The following ZNF516 variants were observed in gnomAD, a reference collection of about 807,000 sequenced individuals.
ZNF516 encodes zinc finger protein 516.
Under a neutral mutation model 79.7 loss-of-function variants are expected in ZNF516, and 19 were observed. That is an observed-to-expected ratio of 0.24 (90% confidence interval 0.17 to 0.35). The LOEUF (loss-of-function observed/expected upper bound fraction) is 0.35, where lower values mean the gene tolerates loss of function less well. Among genes scored for constraint, ZNF516 ranks in the 10% least tolerant of loss-of-function variants. The pLI is 1.00. For missense variants in ZNF516, 1,678 were observed against 1,679.5 expected (o/e 1.00, Z 0.02); for synonymous variants, 877 against 739.5 (o/e 1.19, Z -3.02).
At chr18:76,422,093 G>C (rs1412580166) in intron 3 of ZNF516, among the ~76,000 whole-genome samples, 1 of 152,206 alleles carries the variant, frequency 6.6e-6, no homozygotes, top group Non-Finnish European at 1.5e-5. Flanking sequence ...AATTCAGCCA[G>C]GGTATCTATG....
Position 76,437,389 on chromosome 18 carries a change from ACT to A in ZNF516, c.1810+3854_1810+3855del, listed in dbSNP as rs1420334767. On this transcript the variant is annotated intron_variant, in intron 3 of 6. Coordinates refer to ENST00000443185, the MANE Select transcript of ZNF516 (RefSeq NM_014643.4). ...AGCGAGGGGACGGGAAACGTGAGAC[ACT>A]CTGAAGGTAGAGCCATTTCCTCCTT... Among the ~76,000 whole-genome samples, 16 of 151,450 alleles carry A rather than the reference ACT, an allele frequency of 1.1e-4. 1 individual carries two copies. Among genetic ancestry groups the A allele is most frequent in the Non-Finnish European group, 2.4e-4 (16 of 67,908 alleles).
rs2075799305 is a variant in ZNF516 at position 76,440,447 on chromosome 18, A to C, written c.1810+798T>G. ...AACATCTTTGGCTTTGTGGAGAAAC[A>C]TGCAAGTTCTCTAACTGAAACATCA... On this transcript the variant is annotated intron_variant, in intron 3 of 6. Coordinates refer to ENST00000443185, the MANE Select transcript of ZNF516 (RefSeq NM_014643.4). Among the ~76,000 whole-genome samples the C allele has an allele frequency of 2.6e-5, 4 of 152,358 alleles. No individual in the cohort carries two copies. The South Asian group carries it at 8.3e-4, about 32-fold the overall frequency.
At chr18:76,475,717 G>C (rs1914135235) in intron 1 of ZNF516, among the ~76,000 whole-genome samples, 1 of 151,994 alleles carries the variant, frequency 6.6e-6, no homozygotes, top group Non-Finnish European at 1.5e-5. Flanking sequence ...CTGGGCACTG[G>C]GCATCTGGAA....
At chr18:76,490,264 C>A in intron 1 of ZNF516, 1 of 913,848 alleles carries the variant, frequency 1.1e-6, no homozygotes, top group Non-Finnish European at 1.3e-6. Context: ...GGCTCCTACG[C>A]AACTTCACTC....
chr18:76,464,853 G>T (rs769910098), intron 1 of ZNF516, among the ~76,000 whole-genome samples: 14 of 152,240 alleles, frequency 9.2e-5, no homozygotes, highest in Non-Finnish European at 1.9e-4. Context: ...TGAAGGGTGG[G>T]GGATGTATCA....
intron 5 of ZNF516, among the ~76,000 whole-genome samples, chr18:76,371,078 T>C (rs1332333551): frequency 6.6e-6 from 1 of 152,172 alleles, no homozygotes; most frequent in Non-Finnish European, 1.5e-5. Context: ...CCCGGGTGTA[T>C]CCCACAGAGT....
intron 3 of ZNF516, among the ~76,000 whole-genome samples, chr18:76,392,694 A>G (rs373985917): frequency 0.018 from 270 of 15,256 alleles, 6 homozygotes; most frequent in East Asian, 0.037. Context: ...AAGGCAGGTG[A>G]CCAGGTGGGG....
At chr18:76,434,973 C>T (rs935779119) in intron 3 of ZNF516, among the ~76,000 whole-genome samples, 2 of 152,350 alleles carry the variant, frequency 1.3e-5, no homozygotes, top group East Asian at 3.9e-4. Flanking sequence ...CATGTGCCCT[C>T]CACCAATGAT....
At chr18:76,424,763 C>T (rs2075568601) in intron 3 of ZNF516, among the ~76,000 whole-genome samples, 1 of 140,610 alleles carries the variant, frequency 7.1e-6, no homozygotes, top group South Asian at 2.4e-4. Flanking sequence ...CCCCAAAACA[C>T]ACGCAGGTGA....
At position 76,442,319 on chromosome 18, in the gene ZNF516, C is replaced by G; in HGVS notation, c.736G>C (p.Gly246Arg). The G allele has an allele frequency of 1.2e-6, 2 of 1,611,420 alleles. No individual in the cohort carries two copies. Among genetic ancestry groups the G allele is most frequent in the South Asian group, 1.1e-5 (1 of 90,864 alleles). Reference sequence around the variant, plus strand: ...CCACACACCTCGCACGGGAACTCCCCGGGGCTCAGCTCGGGCTTGCCGTTC... The same window carrying G: ...CCACACACCTCGCACGGGAACTCCCGGGGGCTCAGCTCGGGCTTGCCGTTC... ...VENGKPELSP[G>R]EFPCEVCGQA... The change falls in exon 3 of 7, where the codon GGG becomes CGG. Residue 246 changes from glycine to arginine, a missense_variant. Around this residue, in one of 5 missense-constraint regions of ZNF516, gnomAD observed 279 missense variants for 254.1 expected, o/e 1.10. Coordinates refer to ENST00000443185, the MANE Select transcript of ZNF516 (RefSeq NM_014643.4).
intron 2 of ZNF516, among the ~76,000 whole-genome samples, chr18:76,447,869 C>T (rs1912152012): frequency 6.6e-6 from 1 of 152,064 alleles, no homozygotes; most frequent in Non-Finnish European, 1.5e-5. Context: ...TCCAATGGAT[C>T]TCTTGCTGTA....
intron 3 of ZNF516, among the ~76,000 whole-genome samples, chr18:76,420,467 A>G (rs981717348): frequency 1.3e-5 from 2 of 152,242 alleles, no homozygotes; most frequent in African/African-American, 4.8e-5. Context: ...GTACTAGACT[A>G]TAAGGAGTAA....
intron 3 of ZNF516, among the ~76,000 whole-genome samples, chr18:76,406,459 G>T (rs551596773): frequency 1.9e-4 from 29 of 152,328 alleles, no homozygotes; most frequent in African/African-American, 7.0e-4. Context: ...AGCTACTCAG[G>T]AGGCTGAGGC....
chr18:76,456,042 G>A (rs1028865159), intron 2 of ZNF516, among the ~76,000 whole-genome samples: 21 of 152,210 alleles, frequency 1.4e-4, no homozygotes, highest in African/African-American at 4.8e-4. Flanking sequence ...AACTCAAGGA[G>A]GATGGTAGGA....
intron 2 of ZNF516, among the ~76,000 whole-genome samples, chr18:76,461,891 C>T (rs575483951): frequency 6.6e-6 from 1 of 152,352 alleles, no homozygotes; most frequent in Non-Finnish European, 1.5e-5. Context: ...GGCAGCCTCA[C>T]CTGGATGGGA....
chr18:76,402,803 TG>T (rs981516139), intron 3 of ZNF516, among the ~76,000 whole-genome samples: 19 of 152,380 alleles, frequency 1.2e-4, no homozygotes, highest in African/African-American at 4.6e-4. Context: ...ATGCCCTCCG[TG>T]TTCCCACACT....
At chr18:76,450,277 C>G (rs867424058) in intron 2 of ZNF516, among the ~76,000 whole-genome samples, 4 of 152,044 alleles carry the variant, frequency 2.6e-5, no homozygotes, top group African/African-American at 9.6e-5. Context: ...CTTGCCACTC[C>G]AGTAACACAA....
intron 3 of ZNF516, among the ~76,000 whole-genome samples, chr18:76,428,960 AC>A (rs34205971): frequency 0.016 from 2,489 of 152,346 alleles, 73 homozygotes; most frequent in African/African-American, 0.056. Context: ...CCTGAAGCCC[AC>A]GCAGAGGCCA....
chr18:76,465,955 G>A (rs1299119732), intron 1 of ZNF516, among the ~76,000 whole-genome samples: 2 of 152,188 alleles, frequency 1.3e-5, no homozygotes, highest in Non-Finnish European at 2.9e-5. Flanking sequence ...GGAACAGCTA[G>A]ACTGCGCCCA....
Sources: allele counts gnomAD v4.1 joint callset (sites outside exome capture counted in the v4.1 genomes callset), GRCh38; gene constraint gnomAD v4.1.1; regional missense constraint gnomAD v4.1.1; transcripts MANE v1.5; gene names NCBI Gene and HGNC (gene_info 2026-07-23, HGNC 2026-07-21).